Variants in ZBTB26 observed in about 807,000 individuals in gnomAD.
ZBTB26 encodes the protein zinc finger and BTB domain containing 26, also known as zinc finger and BTB domain-containing protein 26.
In ZBTB26, 12 loss-of-function variants were observed where a neutral mutation model predicts 31.6. That is an observed-to-expected ratio of 0.38 (90% CI 0.24 to 0.61). ZBTB26 has a LOEUF of 0.61. Ranked by LOEUF, ZBTB26 falls within the 20% of genes least tolerant of loss-of-function variation. The pLI is 0.60. For synonymous variants in ZBTB26, 155 were observed against 182.9 expected (o/e 0.85, Z 1.23); for missense variants, 311 against 521.9 (o/e 0.60, Z 3.94).
Position 122,918,650 on chromosome 9 carries a change from CT to C in ZBTB26, c.1284del (p.Ala429LeufsTer3), listed in dbSNP as rs1471589529. 6.2e-7 allele frequency: 1 copy of C among 1,614,096 alleles called. No individual in the cohort carries two copies. The highest frequency in any genetic ancestry group is 2.2e-5 in the East Asian group (1 of 44,892). On this transcript the variant is annotated frameshift_variant, in exon 2 of 2. Coordinates refer to ENST00000373656, the MANE Select transcript of ZBTB26 (RefSeq NM_020924.4). LOFTEE classifies it high-confidence loss of function. ...TQVLDAGKLA[Q>X]AVLNLRNDST... ...CTATCATTTCTTAAGTTCAGGACAG[CT>C]TGGGCCAGTTTACCTGCATCCAGGA...
chr9:122,926,722 T>C (rs1260237324), intron 1 of ZBTB26, among the ~76,000 whole-genome samples: 2 of 152,372 alleles, frequency 1.3e-5, no homozygotes, highest in East Asian at 1.9e-4. Context: ...CAAGCATATA[T>C]GTATTAGTCA....
rs74556331 is a variant in ZBTB26, at chr9:122,928,230, C to A, written c.-11+3207G>T. ...TACATAAACTATACATATTGTTTTG[C>A]AACTTACTTTTTTCACTCATTGTTT... On this transcript the variant is annotated intron_variant, in intron 1 of 1. Transcript: ENST00000373656. 2.3e-4 allele frequency among the ~76,000 whole-genome samples: 35 copies of A among 152,304 alleles called. 1 individual carries two copies. The East Asian group carries it at 6.6e-3, about 29-fold the overall frequency.
In ZBTB26 at chr9:122,919,696, A is replaced by G; in HGVS notation, c.239T>C (p.Val80Ala). 1 of 1,614,182 alleles carries G rather than the reference A, an allele frequency of 6.2e-7. No individual in the cohort carries two copies. Among genetic ancestry groups the G allele is most frequent in the Non-Finnish European group, 8.5e-7 (1 of 1,180,034 alleles). ...VKISILQSSE[V>A]GRQLLLSCYS... ...ACAGGATAAGAGCAATTGTCTCCCC[A>G]CTTCGGAACTCTGTAATATGGAGAT... Residue 80 changes from valine (V) to alanine (A), a missense_variant, in exon 2 of 2, where the codon GTG becomes GCG. Transcript: ENST00000373656. The surrounding 1 kb of genome is among the most constrained non-coding windows in gnomAD (Gnocchi z 6.1).
chr9:122,931,169 G>A (rs1478336448), intron 1 of ZBTB26: 1 of 152,252 alleles, frequency 6.6e-6, no homozygotes, highest in Non-Finnish European at 1.5e-5. Context: ...GCCAGAGTCA[G>A]GCCCCCAAGC....
Position 122,918,981 on chromosome 9 carries a change from A to G in ZBTB26, c.954T>C (p.Arg318=), listed in dbSNP as rs754803858. ...GGAAAGGTTTAATTCCGGCATGCAC[A>G]CGCATGTGTCGATGAAGGTTGCCTT... is the stretch of plus-strand genomic sequence containing the variant. ...TQKGNLHRHM[R]VHAGIKPFQC... is the part of the protein sequence containing the mutation. Residue 318 remains arginine (R), a synonymous_variant, in exon 2 of 2, where the codon CGT becomes CGC. Transcript: ENST00000373656. The G allele has an allele frequency of 8.7e-6, 14 of 1,614,090 alleles. No individual in the cohort carries two copies. In the Admixed American group the frequency reaches 2.0e-4, roughly 23 times the overall value.
chr9:122,919,464 G>A lies in ZBTB26; in HGVS notation c.471C>T (p.Gly157=), dbSNP rs776302746. Residue 157 remains glycine (G), a synonymous_variant, in exon 2 of 2, where the codon GGC becomes GGT. Coordinates refer to ENST00000373656, the MANE Select transcript of ZBTB26 (RefSeq NM_020924.4). This position sits in a 1 kb window ranked among gnomAD's most constrained non-coding sequence, Gnocchi z 6.1. ...TACAAGGTGAGTCCTGCTTTGGGGA[G>A]CCTCTGGCATCTCCCTGCTGTTCTT... ...QSKEQQGDAR[G]SPKQDSPCIH... is the part of the protein sequence containing the mutation. 1.9e-5 allele frequency: 30 copies of A among 1,614,036 alleles called. No individual in the cohort carries two copies. The highest frequency in any genetic ancestry group is 2.4e-5 in the Non-Finnish European group (28 of 1,180,032).
At position 122,919,640 on chromosome 9, in the gene ZBTB26, C is replaced by G. The variant is rs985871957; in HGVS notation, c.295G>C (p.Glu99Gln). Reference protein sequence around the residue: ...YSGVLEFPEMELVNYLTAASF... With the variant: ...YSGVLEFPEMQLVNYLTAASF... ...GCAGCAGTCAAGTAATTTACCAGTTCCATCTCAGGGAATTCCAGCACACCA... is the reference window on the plus strand; with the variant it reads ...GCAGCAGTCAAGTAATTTACCAGTTGCATCTCAGGGAATTCCAGCACACCA... The change falls in exon 2 of 2, where the codon GAA becomes CAA. Residue 99 changes from glutamate (E) to glutamine (Q), a missense_variant. Around this residue, in one of 5 missense-constraint regions of ZBTB26, gnomAD observed 207 missense variants for 298.6 expected, o/e 0.69. Coordinates refer to ENST00000373656, the MANE Select transcript of ZBTB26 (RefSeq NM_020924.4). This position sits in a 1 kb window ranked among gnomAD's most constrained non-coding sequence, Gnocchi z 6.1. The G allele has an allele frequency of 1.9e-6, 3 of 1,614,162 alleles. No homozygotes were observed. In the Admixed American group the frequency reaches 5.0e-5, roughly 27 times the overall value.
chr9:122,924,897 T>G (rs1461399098), intron 1 of ZBTB26, among the ~76,000 whole-genome samples: 1 of 152,172 alleles, frequency 6.6e-6, no homozygotes, highest in Non-Finnish European at 1.5e-5. Context: ...GTTCAAGCAG[T>G]CTTCCCACAA....
At position 122,917,392 on chromosome 9, in the gene ZBTB26, A is replaced by AAT. The variant is rs1833028928; in HGVS notation, c.*1216_*1217insAT. The stretch of plus-strand genomic sequence containing the variant: ...CTCTAAGGACTCTACTAATACTATT[A>AAT]CCTAAATCTAACTCATGGGTGAGAA... On this transcript the variant is annotated 3_prime_UTR_variant, in exon 2 of 2. Transcript: ENST00000373656. 6.6e-6 allele frequency: 1 copy of AAT among 152,230 alleles called. No homozygotes were observed. Among genetic ancestry groups the AAT allele is most frequent in the Non-Finnish European group, 1.5e-5 (1 of 68,042 alleles). The allele number at this position is 152,230 out of a possible 1,614,324, so 9.4% of individuals were successfully genotyped here.
chr9:122,925,648 G>C (rs1051648583), intron 1 of ZBTB26, among the ~76,000 whole-genome samples: 17 of 152,016 alleles, frequency 1.1e-4, no homozygotes, highest in African/African-American at 4.1e-4. Flanking sequence ...GCCCAGGCTG[G>C]AGTGCAATGG....
intron 1 of ZBTB26, among the ~76,000 whole-genome samples, chr9:122,920,829 C>T (rs1833086089): frequency 6.6e-6 from 1 of 152,184 alleles, no homozygotes. Flanking sequence ...TAAACTTTAT[C>T]CCTATTTATC....
rs762252390 is a variant in ZBTB26 at position 122,919,810 on chromosome 9, A to G, written c.125T>C (p.Ile42Thr). The stretch of plus-strand genomic sequence containing the variant: ...CACAATTTTATGTCCCTGTACCTCA[A>G]TATCATCTATGAGAACTGTAACATC... ...FCDVTVLIDDIEVQGHKIVFA... is the reference protein window; with the variant it reads ...FCDVTVLIDDTEVQGHKIVFA... The change falls in exon 2 of 2, where the codon ATT becomes ACT. Residue 42 changes from isoleucine to threonine, a missense_variant. Coordinates refer to ENST00000373656, the MANE Select transcript of ZBTB26 (RefSeq NM_020924.4). The surrounding 1 kb of genome is among the most constrained non-coding windows in gnomAD (Gnocchi z 6.1). 3 of 1,614,086 alleles carry G rather than the reference A, an allele frequency of 1.9e-6. No individual in the cohort carries two copies. Among genetic ancestry groups the G allele is most frequent in the Admixed American group, 1.7e-5 (1 of 60,014 alleles).
chr9:122,921,287 G>A (rs1285762888), intron 1 of ZBTB26, among the ~76,000 whole-genome samples: 1 of 152,212 alleles, frequency 6.6e-6, no homozygotes, highest in Non-Finnish European at 1.5e-5. Context: ...ACTAGTCACT[G>A]TAAACTAATG....
In ZBTB26 at chr9:122,919,658, GCACACCA is replaced by G; in HGVS notation, c.270_276del (p.Gly91TrpfsTer9). The G allele has an allele frequency of 6.2e-7, 1 of 1,614,190 alleles. No homozygotes were observed. The stretch of plus-strand genomic sequence containing the variant: ...ACCAGTTCCATCTCAGGGAATTCCA[GCACACCA>G]CTATAACAGGATAAGAGCAATTGTC... On this transcript the variant is annotated frameshift_variant, in exon 2 of 2. Coordinates refer to ENST00000373656, the MANE Select transcript of ZBTB26 (RefSeq NM_020924.4). LOFTEE classifies it high-confidence loss of function. The surrounding 1 kb of genome is among the most constrained non-coding windows in gnomAD (Gnocchi z 6.1).
intron 1 of ZBTB26, among the ~76,000 whole-genome samples, chr9:122,930,186 T>C (rs1833249468): frequency 6.6e-6 from 1 of 152,236 alleles, no homozygotes; most frequent in Non-Finnish European, 1.5e-5. Flanking sequence ...GTCTGTCTCA[T>C]TAGACCTTTA....
intron 1 of ZBTB26, among the ~76,000 whole-genome samples, chr9:122,922,858 T>G (rs978986018): frequency 6.6e-6 from 1 of 152,148 alleles, no homozygotes; most frequent in African/African-American, 2.4e-5. Context: ...GTGTAAAGAT[T>G]CTACATTTAG....
chr9:122,924,504 C>G (rs1833148164), intron 1 of ZBTB26, among the ~76,000 whole-genome samples: 1 of 152,196 alleles, frequency 6.6e-6, no homozygotes, highest in South Asian at 2.1e-4. Flanking sequence ...TATTACTAGG[C>G]TATGGTACAG....
intron 1 of ZBTB26, among the ~76,000 whole-genome samples, chr9:122,920,944 A>G (rs1207820794): frequency 6.6e-6 from 1 of 152,190 alleles, no homozygotes; most frequent in Non-Finnish European, 1.5e-5. Context: ...ACATCTTTCA[A>G]AAACAGAGAT....
At position 122,919,332 on chromosome 9, in the gene ZBTB26, G is replaced by T. The variant is rs1428112111; in HGVS notation, c.603C>A (p.Asn201Lys). 2 of 1,614,070 alleles carry T rather than the reference G, an allele frequency of 1.2e-6. No individual in the cohort carries two copies. Among genetic ancestry groups the T allele is most frequent in the Non-Finnish European group, 1.7e-6 (2 of 1,180,038 alleles). ...CAGTGGGTTCAGAAGAAATAAACTG[G>T]TTCTGATCTTTTTTACTTCTAACCT... ...VSEVRSKKDQNQFISSEPTAL... is the reference protein window; with the variant it reads ...VSEVRSKKDQKQFISSEPTAL... The change falls in exon 2 of 2, where the codon AAC (asparagine) becomes AAA (lysine). Residue 201 changes from asparagine to lysine, a missense_variant. Asn to Lys is a moderately conservative substitution (Grantham distance 94). Coordinates refer to ENST00000373656, the MANE Select transcript of ZBTB26 (RefSeq NM_020924.4). The surrounding 1 kb of genome is among the most constrained non-coding windows in gnomAD (Gnocchi z 6.1).
Sources: allele counts gnomAD v4.1 joint callset (sites outside exome capture counted in the v4.1 genomes callset), GRCh38; gene constraint gnomAD v4.1.1; regional missense constraint gnomAD v4.1.1; non-coding constraint Gnocchi (gnomAD v3.1); transcripts MANE v1.5; gene names NCBI Gene and HGNC (gene_info 2026-07-23, HGNC 2026-07-21).